Variants in DYM observed in about 807,000 individuals in gnomAD.
DYM encodes dyggve-Melchior-Clausen syndrome protein.
In DYM, 78 loss-of-function variants were observed where a neutral mutation model predicts 93.1. That is an observed-to-expected ratio of 0.84 (90% confidence interval 0.70 to 1.01). DYM has a LOEUF of 1.01. Ranked by LOEUF, DYM falls within the 50% of genes least tolerant of loss-of-function variation. DYM has a pLI of 0.00. For missense variants in DYM, 789 were observed against 845.0 expected (o/e 0.93, Z 0.82); for synonymous variants, 321 against 319.7 (o/e 1.00, Z -0.04).
chr18:49,452,338 G>A (rs1377580509), intron 1 of DYM, among the ~76,000 whole-genome samples: 1 of 152,312 alleles, frequency 6.6e-6, no homozygotes. Flanking sequence ...AGCTCCCGCA[G>A]TGTGGAAGGG....
chr18:49,436,189 A>AT, intron 1 of DYM, among the ~76,000 whole-genome samples: 1 of 152,050 alleles, frequency 6.6e-6, no homozygotes, highest in East Asian at 1.9e-4. Context: ...ACTTTTTTAA[A>AT]TTTTTTATAG....
intron 1 of DYM, among the ~76,000 whole-genome samples, chr18:49,432,433 A>G (rs1230924011): frequency 6.6e-6 from 1 of 151,728 alleles, no homozygotes; most frequent in Non-Finnish European, 1.5e-5. Context: ...GACATAATAC[A>G]CTAGTGAAAA....
At chr18:49,387,294 T>C (rs551334936) in intron 3 of DYM, among the ~76,000 whole-genome samples, 1 of 152,160 alleles carries the variant, frequency 6.6e-6, no homozygotes, top group East Asian at 1.9e-4. Flanking sequence ...GTTTGTTTTT[T>C]GTGACGGAGT....
rs566136332 is a variant in DYM, at chr18:49,179,267, G to A, written c.1626-15480C>T. Among the ~76,000 whole-genome samples, 7 of 152,168 alleles carry A rather than the reference G, an allele frequency of 4.6e-5. No homozygotes were observed. The East Asian group carries it at 1.3e-3, about 29-fold the overall frequency. ...AAAATCTGAAGCTCAGTAGCTTTGG[G>A]TTACACAGACTTTTCACTGTACTGT... On this transcript the variant is annotated intron_variant, in intron 14 of 17. Transcript: ENST00000675505.
At chr18:49,396,335 G>T (rs184923141) in intron 2 of DYM, among the ~76,000 whole-genome samples, 71 of 152,304 alleles carry the variant, frequency 4.7e-4, no homozygotes, top group Non-Finnish European at 8.7e-4. Flanking sequence ...TAATCCGACT[G>T]TTGGGTATAA....
intron 8 of DYM, among the ~76,000 whole-genome samples, chr18:49,325,701 G>C (rs2062829824): frequency 6.6e-6 from 1 of 152,198 alleles, no homozygotes; most frequent in Admixed American, 6.5e-5. Context: ...ACTGATATTA[G>C]CACCAAAAGA....
rs796413329 is a variant in DYM at position 49,356,229 on chromosome 18, T to C, written c.494+6932A>G. 6.7e-5 allele frequency among the ~76,000 whole-genome samples: 8 copies of C among 120,224 alleles called. 1 individual carries two copies. Among genetic ancestry groups the C allele is most frequent in the African/African-American group, 2.1e-4 (8 of 37,892 alleles). 78.9% of individuals were successfully genotyped at this position (120,224 alleles called of 152,430 possible). On this transcript the variant is annotated intron_variant, in intron 6 of 17. Coordinates refer to ENST00000675505, the MANE Select transcript of DYM (RefSeq NM_001353214.3). ...TCAAATCACTTTATTCCTATTTTGCTATACATGTATTAATAACAGTAAACA... is the reference window on the plus strand; with the variant it reads ...TCAAATCACTTTATTCCTATTTTGCCATACATGTATTAATAACAGTAAACA...
intron 9 of DYM, 100 bp downstream of exon 9, chr18:49,286,334 A>T (rs1326255728): frequency 1.5e-5 from 21 of 1,356,012 alleles, no homozygotes; most frequent in Non-Finnish European, 2.1e-5. Context: ...ATGAAAACAT[A>T]CAATGGACAC....
intron 2 of DYM, among the ~76,000 whole-genome samples, chr18:49,425,109 A>C (rs2074137141): frequency 6.6e-6 from 1 of 152,204 alleles, no homozygotes; most frequent in South Asian, 2.1e-4. Flanking sequence ...CAAAAGAACA[A>C]AGCTGCAGGC....
rs371879094 is a variant in DYM, at chr18:49,336,493, A to C, written c.495-2640T>G. Among the ~76,000 whole-genome samples the C allele has an allele frequency of 1.5e-4, 23 of 152,314 alleles. No individual in the cohort carries two copies. In the South Asian group the frequency reaches 4.1e-3, roughly 27 times the overall value. On this transcript the variant is annotated intron_variant, in intron 6 of 17. Coordinates refer to ENST00000675505, the MANE Select transcript of DYM (RefSeq NM_001353214.3). ...CAGCACATAAGAATACTGAAGCAATACAACATGACAATAAGAGTCACTGCA... is the reference window on the plus strand; with the variant it reads ...CAGCACATAAGAATACTGAAGCAATCCAACATGACAATAAGAGTCACTGCA...
At chr18:49,129,022 G>T (rs1020356202) in intron 15 of DYM, among the ~76,000 whole-genome samples, 1 of 151,844 alleles carries the variant, frequency 6.6e-6, no homozygotes, top group Non-Finnish European at 1.5e-5. Flanking sequence ...GACCTATGAC[G>T]CTTGATGCCC....
chr18:49,315,159 G>A (rs775186925), intron 8 of DYM, among the ~76,000 whole-genome samples: 74 of 151,256 alleles, frequency 4.9e-4, no homozygotes, highest in Admixed American at 8.6e-4. Context: ...AGGTTGCAGT[G>A]AACTGAGATC....
intron 14 of DYM, among the ~76,000 whole-genome samples, chr18:49,189,668 A>C (rs1187765258): frequency 2.0e-5 from 3 of 152,230 alleles, no homozygotes; most frequent in Admixed American, 6.5e-5. Flanking sequence ...ATTCCAGCTC[A>C]AATGGATCAT....
intron 13 of DYM, among the ~76,000 whole-genome samples, chr18:49,228,042 A>G (rs1384470069): frequency 6.6e-6 from 1 of 152,138 alleles, no homozygotes; most frequent in Non-Finnish European, 1.5e-5. Flanking sequence ...CACAAAATGA[A>G]TTTGTAAATG....
intron 8 of DYM, among the ~76,000 whole-genome samples, chr18:49,317,690 TTTC>T (rs1292545819): frequency 1.2e-5 from 1 of 84,956 alleles, no homozygotes; most frequent in African/African-American, 4.3e-5. Flanking sequence ...CCTTCCTTCC[TTTC>T]TTTCTTTCTT....
chr18:49,339,542 A>G (rs2063931908), intron 6 of DYM, among the ~76,000 whole-genome samples: 1 of 152,170 alleles, frequency 6.6e-6, no homozygotes, highest in Non-Finnish European at 1.5e-5. Flanking sequence ...GGAGGCCTCC[A>G]ATCAACAGCC....
chr18:49,331,760 C>G (rs2063321350), intron 8 of DYM, 104 bp downstream of exon 8: 1 of 1,251,336 alleles, frequency 8.0e-7, no homozygotes, highest in Non-Finnish European at 1.2e-6. Context: ...TGCACAAATT[C>G]AATGTAACTA....
At chr18:49,135,015 G>GGA (rs1191119705) in intron 15 of DYM, among the ~76,000 whole-genome samples, 1 of 152,132 alleles carries the variant, frequency 6.6e-6, no homozygotes, top group Non-Finnish European at 1.5e-5. Context: ...GGCTGAGGCA[G>GGA]GAGAATCACT....
At chr18:49,064,231 A>T (rs563684395) in intron 17 of DYM, among the ~76,000 whole-genome samples, 13 of 152,362 alleles carry the variant, frequency 8.5e-5, no homozygotes, top group Admixed American at 5.2e-4. Flanking sequence ...CTGGAAAAGT[A>T]GCATTTTTAG....
Sources: allele counts gnomAD v4.1 joint callset (sites outside exome capture counted in the v4.1 genomes callset), GRCh38; gene constraint gnomAD v4.1.1; transcripts MANE v1.5; gene names NCBI Gene and HGNC (gene_info 2026-07-23, HGNC 2026-07-21).